FHIP2A: variants seen among roughly 807,000 people sequenced by gnomAD.
FHIP2A encodes the protein family with sequence similarity 160 member B1.
Under a neutral mutation model 93.5 loss-of-function variants are expected in FHIP2A, and 46 were observed. The observed-to-expected ratio is 0.49, with a 90% confidence interval of 0.39 to 0.63. The LOEUF (loss-of-function observed/expected upper bound fraction) is 0.63. FHIP2A is among the 20% of genes least tolerant of loss of function. The pLI, the probability that FHIP2A is intolerant of heterozygous loss-of-function variation, is 0.00. For synonymous variants in FHIP2A, 332 were observed against 326.5 expected, an observed-to-expected ratio of 1.02 and a Z score of -0.18; for missense variants, 769 against 909.7, an observed-to-expected ratio of 0.85 and a Z score of 1.99.
chr10:114,882,372 T>C (rs1158624830), intron 16 of FHIP2A, among the ~76,000 whole-genome samples: 2 of 152,146 alleles, frequency 1.3e-5, no homozygotes, highest in African/African-American at 2.4e-5. Context: ...ACAGTCTACA[T>C]GGTATATATC....
At chr10:114,871,114 T>A (rs35159708) in intron 16 of FHIP2A, among the ~76,000 whole-genome samples, 1 of 147,784 alleles carries the variant, frequency 6.8e-6, no homozygotes, top group African/African-American at 2.5e-5. Context: ...ATATATACTG[T>A]TATATATATA....
chr10:114,861,156 A>G, intron 15 of FHIP2A, 75 bp from the exon 16 acceptor site: 2 of 1,569,310 alleles, frequency 1.3e-6, no homozygotes, highest in East Asian at 2.2e-5. Context: ...GGGAAGGAAG[A>G]TTTTTCTTTT....
intron 1 of FHIP2A, among the ~76,000 whole-genome samples, chr10:114,824,813 A>G (rs2143009302): frequency 1.3e-5 from 2 of 152,276 alleles, no homozygotes; most frequent in Middle Eastern, 6.8e-3. Context: ...TGTACGTCCA[A>G]TTAGCATTTC....
Position 114,886,300 on chromosome 10 carries a change from C to T in FHIP2A, c.2193-13190C>T, listed in dbSNP as rs552905643. ...CCCAATTATTATGTGGGGGACGTGG[C>T]TCTTGAACAACAGGAGCACACTTTG... On this transcript the variant is annotated intron_variant, in intron 16 of 16. Transcript: ENST00000369250. Among the ~76,000 whole-genome samples the T allele has an allele frequency of 2.6e-5, 4 of 152,054 alleles. No homozygotes were observed. In the East Asian group the frequency reaches 7.7e-4, roughly 29 times the overall value.
chr10:114,886,013 CT>C (rs2083941182), intron 16 of FHIP2A, among the ~76,000 whole-genome samples: 1 of 152,186 alleles, frequency 6.6e-6, no homozygotes, highest in Non-Finnish European at 1.5e-5. Context: ...AGATCACAAC[CT>C]CTTGATGGCA....
chr10:114,890,322 C>T (rs867461051), intron 16 of FHIP2A, among the ~76,000 whole-genome samples: 2 of 151,960 alleles, frequency 1.3e-5, no homozygotes, highest in African/African-American at 2.4e-5. Context: ...GGCACCATGC[C>T]CAGCCTAACC....
chr10:114,832,319 C>A (rs965235718), intron 2 of FHIP2A, among the ~76,000 whole-genome samples: 1 of 152,074 alleles, frequency 6.6e-6, no homozygotes, highest in Non-Finnish European at 1.5e-5. Context: ...AACAGCTATA[C>A]GTTAATGAGA....
intron 7 of FHIP2A, among the ~76,000 whole-genome samples, chr10:114,845,122 C>T (rs890079362): frequency 1.3e-5 from 2 of 152,216 alleles, no homozygotes; most frequent in Admixed American, 6.5e-5. Context: ...CCTGCAGTTC[C>T]ATTCTGCTTT....
chr10:114,834,773 A>C (rs2143010281), intron 3 of FHIP2A, among the ~76,000 whole-genome samples: 1 of 152,316 alleles, frequency 6.6e-6, no homozygotes, highest in Admixed American at 6.5e-5. Flanking sequence ...TTATATTATG[A>C]TTATAATAGG....
chr10:114,877,148 C>T (rs1260094161), intron 16 of FHIP2A, among the ~76,000 whole-genome samples: 1 of 152,112 alleles, frequency 6.6e-6, no homozygotes, highest in Non-Finnish European at 1.5e-5. Context: ...CAGGCTGGAA[C>T]GGGCTCAGAG....
intron 16 of FHIP2A, among the ~76,000 whole-genome samples, chr10:114,876,507 C>T (rs982272898): frequency 1.3e-5 from 2 of 152,180 alleles, no homozygotes; most frequent in Non-Finnish European, 2.9e-5. Flanking sequence ...GTTGTAAGGA[C>T]TGAACGAGGG....
downstream of FHIP2A, among the ~76,000 whole-genome samples, chr10:114,865,272 G>C (rs985527636): frequency 1.3e-5 from 2 of 152,160 alleles, no homozygotes; most frequent in African/African-American, 4.8e-5. Flanking sequence ...ACAGGTGTGA[G>C]CCACCGCGCC....
Position 114,856,924 on chromosome 10 carries a change from G to A in FHIP2A, c.1947+1584G>A, listed in dbSNP as rs139589193. On this transcript the variant is annotated intron_variant, in intron 14 of 16. Coordinates refer to ENST00000369248, the MANE Select transcript of FHIP2A (RefSeq NM_020940.4). ...TACAGCTGGTAAGCTATGGAGCCCCGTCTGAAACCTTTTATCTTTAAAACT... is the reference window on the plus strand; with the variant it reads ...TACAGCTGGTAAGCTATGGAGCCCCATCTGAAACCTTTTATCTTTAAAACT... Among the ~76,000 whole-genome samples the A allele has an allele frequency of 1.2e-3, 175 of 152,104 alleles. 1 individual carries two copies. The East Asian group carries it at 0.02, about 18-fold the overall frequency.
intron 1 of FHIP2A, among the ~76,000 whole-genome samples, chr10:114,829,567 C>G (rs1301784124): frequency 6.6e-6 from 1 of 152,186 alleles, no homozygotes; most frequent in African/African-American, 2.4e-5. Flanking sequence ...AGCTTCTTTA[C>G]CGAATGCTGT....
rs748562780 is a variant in FHIP2A at position 114,843,245 on chromosome 10, T to C, written c.816+19T>C. 5 of 1,516,582 alleles carry C rather than the reference T, an allele frequency of 3.3e-6. No homozygotes were observed. Among genetic ancestry groups the C allele is most frequent in the Non-Finnish European group, 3.6e-6 (4 of 1,112,470 alleles). 93.9% of individuals were successfully genotyped at this position (1,516,582 alleles called of 1,614,324 possible). ...AAGTCCTGTGAGTTATGGTCCTTAC[T>C]TTTTCCCCCCTAACATTATTTCAAT... On this transcript the variant is annotated intron_variant, in intron 6 of 16. Coordinates refer to ENST00000369248, the MANE Select transcript of FHIP2A (RefSeq NM_020940.4).
intron 14 of FHIP2A, among the ~76,000 whole-genome samples, chr10:114,857,283 C>CT (rs1017623172): frequency 2.8e-5 from 4 of 142,946 alleles, no homozygotes; most frequent in Admixed American, 6.9e-5. Context: ...CTTGTAGTTT[C>CT]TTTTTTTTCT....
At chr10:114,871,903 T>C (rs915963875) in intron 16 of FHIP2A, among the ~76,000 whole-genome samples, 3 of 152,222 alleles carry the variant, frequency 2.0e-5, no homozygotes, top group Non-Finnish European at 4.4e-5. Context: ...TCACTGAATG[T>C]AGGCCACCAA....
chr10:114,894,447 A>G (rs2083990811), intron 16 of FHIP2A, among the ~76,000 whole-genome samples: 1 of 150,866 alleles, frequency 6.6e-6, no homozygotes, highest in Admixed American at 6.6e-5. Context: ...CATGCCTTGT[A>G]GTTCCAGCTA....
intron 16 of FHIP2A, among the ~76,000 whole-genome samples, chr10:114,882,265 A>G (rs868772703): frequency 6.6e-6 from 1 of 152,146 alleles, no homozygotes; most frequent in Non-Finnish European, 1.5e-5. Context: ...CTGTCCCCAG[A>G]CGTTTCCACT....
Sources: allele counts gnomAD v4.1 joint callset (sites outside exome capture counted in the v4.1 genomes callset), GRCh38; gene constraint gnomAD v4.1.1; transcripts MANE v1.5; gene names NCBI Gene and HGNC (gene_info 2026-07-23, HGNC 2026-07-21).